Variants in PHKB observed in about 807,000 individuals in gnomAD.
PHKB encodes phosphorylase kinase regulatory subunit beta, also known as phosphorylase b kinase regulatory subunit beta.
Under a neutral mutation model 152.1 loss-of-function variants are expected in PHKB, and 122 were observed. The ratio of observed to expected loss-of-function variants is 0.80; its 90% CI spans 0.69 to 0.93. PHKB has a LOEUF of 0.93. Ranked by LOEUF, PHKB falls within the 40% of genes least tolerant of loss-of-function variation. The probability of loss-of-function intolerance (pLI) is 0.00; values close to 1 mark genes in which losing one functional copy is unlikely to be tolerated. For synonymous variants in PHKB, 436 were observed against 464.9 expected (o/e 0.94, Z 0.80); for missense variants, 1,304 against 1,328.4 (o/e 0.98, Z 0.29).
intron 26 of PHKB, among the ~76,000 whole-genome samples, chr16:47,673,516 CA>C (rs1285656515): frequency 1.3e-5 from 2 of 152,060 alleles, no homozygotes; most frequent in African/African-American, 4.8e-5. Flanking sequence ...TTCATATATA[CA>C]GAAGATATCA....
chr16:47,685,066 G>GTTCC (rs546125870), intron 26 of PHKB, among the ~76,000 whole-genome samples: 42 of 152,066 alleles, frequency 2.8e-4, no homozygotes, highest in East Asian at 7.7e-4. Flanking sequence ...TCTGCCCTTT[G>GTTCC]TTCCTTCCTT....
At chr16:47,598,407 C>T (rs1251303343) in intron 13 of PHKB, among the ~76,000 whole-genome samples, 1 of 152,114 alleles carries the variant, frequency 6.6e-6, no homozygotes, top group African/African-American at 2.4e-5. Context: ...TAATAATTTT[C>T]AAATCTTCCC....
intron 29 of PHKB, among the ~76,000 whole-genome samples, chr16:47,698,024 C>T (rs908816744): frequency 3.9e-5 from 6 of 152,282 alleles, no homozygotes; most frequent in Non-Finnish European, 5.9e-5. Context: ...TCCAGAGTCT[C>T]CATTGAACCT....
intron 1 of PHKB, among the ~76,000 whole-genome samples, chr16:47,465,255 A>G (rs1048889964): frequency 6.6e-6 from 1 of 152,228 alleles, no homozygotes; most frequent in African/African-American, 2.4e-5. Context: ...TTCTTTCCTT[A>G]TAAGCACCAA....
chr16:47,668,818 A>G (rs530999620), intron 25 of PHKB, among the ~76,000 whole-genome samples: 1 of 152,336 alleles, frequency 6.6e-6, no homozygotes, highest in African/African-American at 2.4e-5. Flanking sequence ...AGAATCAAAA[A>G]GTTTATCTCT....
intron 14 of PHKB, among the ~76,000 whole-genome samples, chr16:47,612,086 G>A (rs542603546): frequency 5.3e-5 from 8 of 152,330 alleles, no homozygotes; most frequent in East Asian, 1.9e-4. Context: ...CAAAACAAGT[G>A]TTTGTAGGTA....
At chr16:47,573,180 C>T (rs1971692117) in intron 7 of PHKB, among the ~76,000 whole-genome samples, 1 of 152,128 alleles carries the variant, frequency 6.6e-6, no homozygotes, top group Admixed American at 6.5e-5. Context: ...GTGGCACTAG[C>T]AGGAGAGAGC....
intron 26 of PHKB, among the ~76,000 whole-genome samples, chr16:47,670,211 A>G (rs1036781948): frequency 2.6e-5 from 4 of 152,328 alleles, no homozygotes; most frequent in Middle Eastern, 6.8e-3. Context: ...AAAGAGCCCA[A>G]TGATATCTGA....
chr16:47,680,849 T>C (rs1973839643), intron 26 of PHKB, among the ~76,000 whole-genome samples: 1 of 152,234 alleles, frequency 6.6e-6, no homozygotes, highest in Non-Finnish European at 1.5e-5. Flanking sequence ...CTAGTTCTTT[T>C]AATTGTGATT....
intron 22 of PHKB, 55 bp from the exon 23 acceptor site, chr16:47,661,664 T>C (rs1973446420): frequency 2.7e-6 from 3 of 1,096,968 alleles, no homozygotes; most frequent in Non-Finnish European, 4.2e-6. Context: ...TTACCCTCTG[T>C]GGTAACTGCT....
intron 20 of PHKB, among the ~76,000 whole-genome samples, chr16:47,654,805 G>C (rs1168745418): frequency 6.8e-6 from 1 of 147,832 alleles, no homozygotes; most frequent in African/African-American, 2.5e-5. Context: ...CCTGTTGTGT[G>C]GTGGGGGGAG....
intron 7 of PHKB, chr16:47,547,758 G>A: frequency 1.9e-6 from 1 of 518,114 alleles, no homozygotes. Context: ...AGAAGTAGGT[G>A]TCTTTCCCAA....
chr16:47,658,041 C>G (rs1023230870), intron 20 of PHKB, among the ~76,000 whole-genome samples: 2 of 152,166 alleles, frequency 1.3e-5, no homozygotes, highest in African/African-American at 4.8e-5. Context: ...TATCATAAGC[C>G]TCCAATGACT....
chr16:47,534,466 G>A (rs562862569), intron 6 of PHKB, among the ~76,000 whole-genome samples: 3 of 152,150 alleles, frequency 2.0e-5, no homozygotes, highest in Non-Finnish European at 2.9e-5. Flanking sequence ...TTGCAGCACT[G>A]TTGCATTAAA....
At chr16:47,576,669 T>C (rs1971755037) in intron 7 of PHKB, among the ~76,000 whole-genome samples, 1 of 152,218 alleles carries the variant, frequency 6.6e-6, no homozygotes, top group Admixed American at 6.5e-5. Context: ...GATTGCTATG[T>C]CTTCTTCGTG....
chr16:47,552,312 T>C (rs1379271577), intron 7 of PHKB, among the ~76,000 whole-genome samples: 1 of 152,254 alleles, frequency 6.6e-6, no homozygotes, highest in Admixed American at 6.5e-5. Flanking sequence ...ATAGTGTCGA[T>C]GGTCTTTACC....
chr16:47,628,280 C>G (rs953370217), intron 14 of PHKB, among the ~76,000 whole-genome samples: 1 of 152,154 alleles, frequency 6.6e-6, no homozygotes, highest in East Asian at 1.9e-4. Context: ...TGCCTGTAAT[C>G]CCAGCACTTT....
intron 6 of PHKB, chr16:47,529,183 A>C (rs1036642334): frequency 6.1e-4 from 93 of 152,246 alleles, no homozygotes; most frequent in African/African-American, 2.2e-3. Flanking sequence ...GAATCAAAAA[A>C]GAAGAGGCTT....
intron 26 of PHKB, among the ~76,000 whole-genome samples, chr16:47,684,940 A>G (rs575882236): frequency 1.8e-4 from 28 of 152,154 alleles, no homozygotes; most frequent in Non-Finnish European, 3.2e-4. Context: ...GTGTGTATCT[A>G]CCTTCTCATT....
Sources: allele counts gnomAD v4.1 joint callset (sites outside exome capture counted in the v4.1 genomes callset), GRCh38; gene constraint gnomAD v4.1.1; transcripts MANE v1.5; gene names NCBI Gene and HGNC (gene_info 2026-07-23, HGNC 2026-07-21).